AKAP13: variants seen among roughly 807,000 people sequenced by gnomAD.
AKAP13 encodes the protein A-kinase anchoring protein 13.
In AKAP13, 80 loss-of-function variants were observed where a neutral mutation model predicts 264.5. The ratio of observed to expected loss-of-function variants is 0.30; its 90% CI spans 0.25 to 0.36. The LOEUF (loss-of-function observed/expected upper bound fraction) is 0.36, where lower values mean the gene tolerates loss of function less well. Among genes scored for constraint, AKAP13 ranks in the 10% least tolerant of loss-of-function variants. The pLI is 1.00. For synonymous variants in AKAP13, 1,380 were observed against 1,250.2 expected, an observed-to-expected ratio of 1.10 and a Z score of -2.19; for missense variants, 3,712 against 3,435.2, an observed-to-expected ratio of 1.08 and a Z score of -2.01.
At chr15:85,645,736 G>A (rs1466915204) in intron 9 of AKAP13, 82 bp from the exon 10 acceptor site, 3 of 1,411,356 alleles carry the variant, frequency 2.1e-6, no homozygotes, top group Non-Finnish European at 2.8e-6. Context: ...GGTTGCTGGG[G>A]TGAAAAGGAA....
At chr15:85,420,184 G>A (rs576905454) in intron 1 of AKAP13, among the ~76,000 whole-genome samples, 20 of 151,092 alleles carry the variant, frequency 1.3e-4, no homozygotes, top group African/African-American at 4.1e-4. Flanking sequence ...CTCGTGATCC[G>A]CCCGCCTCGG....
intron 5 of AKAP13, among the ~76,000 whole-genome samples, chr15:85,546,321 A>AATAT (rs375341311): frequency 1.4e-5 from 2 of 145,176 alleles, no homozygotes; most frequent in Admixed American, 6.9e-5. Context: ...GTTGTTACCA[A>AATAT]ACACACACAC....
At chr15:85,426,333 C>T (rs934045138) in intron 1 of AKAP13, among the ~76,000 whole-genome samples, 5 of 152,172 alleles carry the variant, frequency 3.3e-5, no homozygotes, top group Non-Finnish European at 2.9e-5. Context: ...TCAGTCATCT[C>T]CCATTGTGCG....
At chr15:85,620,994 A>T (rs1305030895) in intron 8 of AKAP13, among the ~76,000 whole-genome samples, 2 of 152,208 alleles carry the variant, frequency 1.3e-5, no homozygotes, top group African/African-American at 4.8e-5. Context: ...TTGGAAGTCA[A>T]CCAAGCATTT....
chr15:85,555,362 T>C, intron 5 of AKAP13: 2 of 1,174,282 alleles, frequency 1.7e-6, no homozygotes, highest in South Asian at 2.5e-5. Flanking sequence ...TTGTCAGAAG[T>C]AAACTTGGAG....
At chr15:85,514,461 A>T (rs1244285076) in intron 2 of AKAP13, among the ~76,000 whole-genome samples, 1 of 137,862 alleles carries the variant, frequency 7.3e-6, no homozygotes, top group Non-Finnish European at 1.5e-5. Context: ...TGTCAAAACA[A>T]GATATTACAG....
intron 19 of AKAP13, among the ~76,000 whole-genome samples, chr15:85,712,727 A>T (rs1321393877): frequency 1.3e-5 from 2 of 152,118 alleles, no homozygotes; most frequent in Non-Finnish European, 2.9e-5. Context: ...TATTTTTACT[A>T]GAGATAGGGT....
At chr15:85,740,053 C>T (rs2088840954) in intron 33 of AKAP13, among the ~76,000 whole-genome samples, 169 bp from the exon 34 acceptor site, 2 of 152,132 alleles carry the variant, frequency 1.3e-5, no homozygotes, top group South Asian at 2.1e-4. Flanking sequence ...TTCTTGGCTG[C>T]TGGTGCTCAC....
rs139591545 is a variant in AKAP13, at chr15:85,622,888, T to G, written c.4162-16486T>G. ...ATATGTATATTAGCTTTTATTGATA[T>G]AAGCGTATGTGTTCTTTTTCTATCT... On this transcript the variant is annotated intron_variant, in intron 8 of 36. Coordinates refer to ENST00000394518, the MANE Select transcript of AKAP13 (RefSeq NM_007200.5). Among the ~76,000 whole-genome samples, 790 of 152,328 alleles carry G rather than the reference T, an allele frequency of 5.2e-3. 7 individuals carry two copies. Among genetic ancestry groups the G allele is most frequent in the African/African-American group, 0.017 (705 of 41,568 alleles).
Position 85,499,209 on chromosome 15 carries a change from T to C in AKAP13, c.33+13456T>C, listed in dbSNP as rs145612532. ...CAGAATAATATCAAGGTGTGTACTA[T>C]CAAATACAGGGTTGGGTATCTCTTT... On this transcript the variant is annotated intron_variant, in intron 2 of 36. Transcript: ENST00000394518. Among the ~76,000 whole-genome samples, 13 of 152,348 alleles carry C rather than the reference T, an allele frequency of 8.5e-5. No homozygotes were observed. The East Asian group carries it at 1.7e-3, about 20-fold the overall frequency.
At chr15:85,600,765 T>G (rs2080024937) in intron 8 of AKAP13, among the ~76,000 whole-genome samples, 1 of 152,246 alleles carries the variant, frequency 6.6e-6, no homozygotes. Flanking sequence ...ATAACTGAGC[T>G]GAAGAAACAA....
intron 9 of AKAP13, among the ~76,000 whole-genome samples, chr15:85,640,132 T>C (rs2082244642): frequency 6.6e-6 from 1 of 152,198 alleles, no homozygotes; most frequent in Non-Finnish European, 1.5e-5. Flanking sequence ...GTAAAGTATG[T>C]TCCCTAATGT....
intron 5 of AKAP13, among the ~76,000 whole-genome samples, chr15:85,551,625 T>C (rs1171474308): frequency 6.6e-6 from 1 of 152,240 alleles, no homozygotes; most frequent in East Asian, 1.9e-4. Flanking sequence ...GACACATATG[T>C]ACTGAGCAAG....
At chr15:85,674,115 A>C (rs550341986) in intron 14 of AKAP13, among the ~76,000 whole-genome samples, 6 of 151,894 alleles carry the variant, frequency 4.0e-5, no homozygotes, top group African/African-American at 9.7e-5. Context: ...ATAATGTTGA[A>C]AGGGGAATTG....
chr15:85,634,484 G>T (rs923878617), intron 8 of AKAP13, among the ~76,000 whole-genome samples: 1 of 152,088 alleles, frequency 6.6e-6, no homozygotes, highest in African/African-American at 2.4e-5. Context: ...TGATTAAAGG[G>T]TTATAATGTT....
rs1298763053 is a variant in AKAP13 at position 85,746,166 on chromosome 15, G to A, written c.*1489G>A. 6.6e-6 allele frequency: 1 copy of A among 152,504 alleles called. No individual in the cohort carries two copies. Among genetic ancestry groups the A allele is most frequent in the African/African-American group, 2.4e-5 (1 of 41,362 alleles). 9.4% of individuals were successfully genotyped at this position (152,504 alleles called of 1,614,324 possible). A position where few individuals can be genotyped will look rare whatever the true frequency, so the allele number is the denominator to read the frequency against. ...GGGCTTTTGAGCACACTTAAAAAAA[G>A]AAAAATCTGTAACTTGGTGCTTATT... On this transcript the variant is annotated 3_prime_UTR_variant, in exon 37 of 37. Coordinates refer to ENST00000394518, the MANE Select transcript of AKAP13 (RefSeq NM_007200.5).
At chr15:85,599,877 A>T (rs569654535) in intron 8 of AKAP13, among the ~76,000 whole-genome samples, 17 of 152,266 alleles carry the variant, frequency 1.1e-4, no homozygotes, top group African/African-American at 2.4e-4. Flanking sequence ...CTCTATTTTT[A>T]AAAAAATTAA....
intron 8 of AKAP13, among the ~76,000 whole-genome samples, chr15:85,609,444 G>T (rs1711999933): frequency 6.6e-6 from 1 of 152,102 alleles, no homozygotes. Flanking sequence ...TAAATAACAG[G>T]ATTTCATTAT....
At chr15:85,422,142 G>A (rs749126606) in intron 1 of AKAP13, among the ~76,000 whole-genome samples, 1 of 152,160 alleles carries the variant, frequency 6.6e-6, no homozygotes, top group Non-Finnish European at 1.5e-5. Context: ...AGTATGTCTG[G>A]TCCTGGGTAT....
Sources: gnomAD v4.1 joint callset for allele counts (sites outside exome capture counted in the v4.1 genomes callset) on GRCh38, gnomAD v4.1.1 for gene constraint, MANE v1.5 for transcripts, NCBI Gene and HGNC (gene_info 2026-07-23, HGNC 2026-07-21) for gene names.